The following EZH2 variants were observed in gnomAD, a reference collection of about 807,000 sequenced individuals.
EZH2 encodes the protein histone-lysine N-methyltransferase EZH2.
Under a neutral mutation model 98.4 loss-of-function variants are expected in EZH2, and 18 were observed. The observed-to-expected ratio is 0.18, with a 90% CI of 0.13 to 0.27. EZH2 has a LOEUF of 0.27. Ranked by LOEUF, EZH2 falls within the 10% of genes least tolerant of loss-of-function variation. EZH2 has a pLI of 1.00. For synonymous variants in EZH2, 338 were observed against 312.3 expected, an observed-to-expected ratio of 1.08 and a Z score of -0.87; for missense variants, 470 against 935.1, an observed-to-expected ratio of 0.50 and a Z score of 6.49.
chr7:148,819,750 C>A, intron 8 of EZH2, 63 bp from the exon 9 acceptor site: 1 of 1,428,306 alleles, frequency 7.0e-7, no homozygotes, highest in Non-Finnish European at 9.8e-7. Context: ...TTCACTCTTC[C>A]AGTTCCACTG....
At chr7:148,819,420 G>A (rs1343414142) in intron 9 of EZH2, among the ~76,000 whole-genome samples, 176 bp downstream of exon 9, 25 of 152,166 alleles carry the variant, frequency 1.6e-4, no homozygotes, top group Non-Finnish European at 1.5e-5. Context: ...ATTAATGAAG[G>A]ACTAAAATGT....
At chr7:148,861,831 A>G (rs2129488378) in intron 1 of EZH2, among the ~76,000 whole-genome samples, 1 of 151,572 alleles carries the variant, frequency 6.6e-6, no homozygotes, top group South Asian at 2.1e-4. Flanking sequence ...ATTAATTAGT[A>G]AGTGGTGCTT....
chr7:148,847,485 A>G (rs1421131225), intron 1 of EZH2, among the ~76,000 whole-genome samples, 180 bp from the exon 2 acceptor site: 4 of 152,244 alleles, frequency 2.6e-5, no homozygotes, highest in Non-Finnish European at 5.9e-5. Flanking sequence ...CTTCATTGAA[A>G]GTTTAAGTTA....
chr7:148,835,198 T>C (rs935414318), intron 3 of EZH2, among the ~76,000 whole-genome samples: 1 of 152,032 alleles, frequency 6.6e-6, no homozygotes, highest in Admixed American at 6.5e-5. Context: ...GACGGGCAGA[T>C]CGCTTGAGCC....
rs1025352793 is a variant in EZH2 at position 148,815,119 on chromosome 7, T to C, written c.1547-80A>G. ...ATACACAATTAACACGAGTACATTCTTCCCTACTACCTGTGGAGTGTAGCT... is the reference window on the plus strand; with the variant it reads ...ATACACAATTAACACGAGTACATTCCTCCCTACTACCTGTGGAGTGTAGCT... On this transcript the variant is annotated intron_variant, in intron 13 of 19. Transcript: ENST00000320356. 12 of 1,516,398 alleles carry C rather than the reference T, an allele frequency of 7.9e-6. 1 individual carries two copies. Among genetic ancestry groups the C allele is most frequent in the South Asian group, 1.2e-5 (1 of 80,034 alleles). 93.9% of individuals were successfully genotyped at this position (1,516,398 alleles called of 1,614,324 possible). A position where few individuals can be genotyped will look rare whatever the true frequency, so the allele number is the denominator to read the frequency against.
chr7:148,818,686 G>A (rs1461717733), intron 9 of EZH2, among the ~76,000 whole-genome samples: 1 of 151,844 alleles, frequency 6.6e-6, no homozygotes, highest in African/African-American at 2.4e-5. Flanking sequence ...AGGATACACA[G>A]CCACAGGAAG....
At chr7:148,880,653 T>A (rs1237315662) in intron 1 of EZH2, among the ~76,000 whole-genome samples, 1 of 152,212 alleles carries the variant, frequency 6.6e-6, no homozygotes, top group Non-Finnish European at 1.5e-5. Flanking sequence ...AATCATTCCC[T>A]ATTAAAGAGG....
At chr7:148,844,662 TTTC>T (rs1337390878) in intron 3 of EZH2, among the ~76,000 whole-genome samples, 1 of 152,222 alleles carries the variant, frequency 6.6e-6, no homozygotes, top group Admixed American at 6.5e-5. Flanking sequence ...AAAATGCTGA[TTTC>T]TTCTCCCAAT....
At chr7:148,839,585 G>A (rs1172152791) in intron 3 of EZH2, among the ~76,000 whole-genome samples, 1 of 149,914 alleles carries the variant, frequency 6.7e-6, no homozygotes, top group African/African-American at 2.5e-5. Flanking sequence ...TTTGTTTTTT[G>A]TTTTTTTGAG....
intron 1 of EZH2, among the ~76,000 whole-genome samples, chr7:148,876,693 C>T (rs974484083): frequency 8.5e-5 from 13 of 152,188 alleles, no homozygotes; most frequent in Admixed American, 1.3e-4. Context: ...ACCCCCCTTA[C>T]ACCAAAGAGG....
intron 8 of EZH2, among the ~76,000 whole-genome samples, chr7:148,824,826 C>CTA (rs1425231589): frequency 6.6e-6 from 1 of 152,184 alleles, no homozygotes; most frequent in Admixed American, 6.5e-5. Flanking sequence ...AAAAGTGGGC[C>CTA]TAGCACAGTT....
chr7:148,826,221 A>G (rs1192102107), intron 8 of EZH2, among the ~76,000 whole-genome samples: 1 of 152,016 alleles, frequency 6.6e-6, no homozygotes, highest in Non-Finnish European at 1.5e-5. Flanking sequence ...AAAAAAAAAA[A>G]TCACTGACCT....
At chr7:148,842,739 C>CAA (rs376533541) in intron 3 of EZH2, among the ~76,000 whole-genome samples, 2,848 of 146,118 alleles carry the variant, frequency 0.019, 70 homozygotes, top group African/African-American at 0.067. Flanking sequence ...ATCTCAAAAA[C>CAA]AAAAAAAAAA....
intron 1 of EZH2, among the ~76,000 whole-genome samples, chr7:148,875,554 C>G (rs1014422896): frequency 1.3e-5 from 2 of 152,172 alleles, no homozygotes; most frequent in African/African-American, 2.4e-5. Flanking sequence ...CAATGAGATA[C>G]TTAATACTCA....
At chr7:148,875,063 A>G (rs1445365560) in intron 1 of EZH2, among the ~76,000 whole-genome samples, 1 of 152,188 alleles carries the variant, frequency 6.6e-6, no homozygotes, top group Admixed American at 6.5e-5. Flanking sequence ...AATAAATGAA[A>G]AGGTTTGAAT....
chr7:148,867,572 T>C (rs549410887), intron 1 of EZH2, among the ~76,000 whole-genome samples: 8 of 152,190 alleles, frequency 5.3e-5, no homozygotes, highest in Middle Eastern at 3.2e-3. Context: ...CTTCCTGCTA[T>C]TTCCAGATTA....
intron 1 of EZH2, among the ~76,000 whole-genome samples, chr7:148,849,785 C>A (rs1815198253): frequency 6.6e-6 from 1 of 152,170 alleles, no homozygotes; most frequent in Admixed American, 6.5e-5. Flanking sequence ...CAGATGAACT[C>A]AACTAATTCT....
At chr7:148,833,466 A>AAAAAT (rs869127476) in intron 3 of EZH2, among the ~76,000 whole-genome samples, 4 of 31,820 alleles carry the variant, frequency 1.3e-4, no homozygotes, top group Admixed American at 4.3e-4. Flanking sequence ...CAAAAAAAAA[A>AAAAAT]AAAATAAAAT....
rs1344514655 is a variant in EZH2 at position 148,884,177 on chromosome 7, GCCGAC to G, written c.-26_-22del. 6.2e-6 allele frequency: 1 copy of G among 161,710 alleles called. No homozygotes were observed. The highest frequency in any genetic ancestry group is 2.4e-5 in the African/African-American group (1 of 41,260). The allele number at this position is 161,710 out of a possible 1,614,324, so 10.0% of individuals were successfully genotyped here. On this transcript the variant is annotated 5_prime_UTR_variant, in exon 1 of 20. Transcript: ENST00000320356. ...GCGGCGCGTTACCTTCGTCCCGCGC[GCCGAC>G]TCGCGTTGTTCCCGCGCGTCGCCCC...
Sources: gnomAD v4.1 joint callset for allele counts (sites outside exome capture counted in the v4.1 genomes callset) on GRCh38, gnomAD v4.1.1 for gene constraint, MANE v1.5 for transcripts, NCBI Gene and HGNC (gene_info 2026-07-23, HGNC 2026-07-21) for gene names.